The following PTPRD variants were observed in gnomAD, a reference collection of about 807,000 sequenced individuals.
The protein encoded by PTPRD is protein tyrosine phosphatase receptor type D, also known as receptor-type tyrosine-protein phosphatase delta.
In PTPRD, 34 loss-of-function variants were observed where a neutral mutation model predicts 214.5. The observed-to-expected ratio is 0.16, with a 90% CI of 0.12 to 0.21. The LOEUF (loss-of-function observed/expected upper bound fraction) is 0.21. PTPRD is among the 10% of genes least tolerant of loss of function. PTPRD has a pLI of 1.00. For missense variants in PTPRD, 2,545 were observed against 2,398.7 expected (o/e 1.06, Z -1.27); for synonymous variants, 1,128 against 845.7 (o/e 1.33, Z -5.79).
chr9:9,775,073 G>A (rs1404231406), intron 5 of PTPRD, among the ~76,000 whole-genome samples: 2 of 152,178 alleles, frequency 1.3e-5, no homozygotes, highest in African/African-American at 2.4e-5. Context: ...AGCTAAACTT[G>A]AGCACCAGTT....
At chr9:9,544,995 G>C (rs116608977) in intron 8 of PTPRD, among the ~76,000 whole-genome samples, 1,828 of 151,636 alleles carry the variant, frequency 0.012, 41 homozygotes, top group African/African-American at 0.042. Flanking sequence ...ATTTTTTAGA[G>C]GAGTTTTACA....
intron 10 of PTPRD, among the ~76,000 whole-genome samples, chr9:9,150,944 T>A (rs1290773098): frequency 6.6e-6 from 1 of 152,146 alleles, no homozygotes; most frequent in Non-Finnish European, 1.5e-5. Flanking sequence ...AAGCAAAGAT[T>A]TTTGAGATAG....
chr9:8,382,522 G>T (rs60053918), intron 37 of PTPRD, among the ~76,000 whole-genome samples: 3,641 of 152,280 alleles, frequency 0.024, 121 homozygotes, highest in African/African-American at 0.082. Flanking sequence ...TTTCTAAGTA[G>T]AGCAGGTGGG....
At chr9:10,611,636 G>A (rs1433983235) in intron 2 of PTPRD, among the ~76,000 whole-genome samples, 1 of 152,164 alleles carries the variant, frequency 6.6e-6, no homozygotes, top group East Asian at 1.9e-4. Flanking sequence ...TTGATGCAGA[G>A]ATATTCAGCC....
chr9:10,373,975 G>A (rs936551035), intron 2 of PTPRD, among the ~76,000 whole-genome samples: 11 of 152,100 alleles, frequency 7.2e-5, no homozygotes, highest in South Asian at 2.1e-4. Context: ...CCTGGTTGGT[G>A]TTTGGTCAGA....
At chr9:10,508,147 A>T (rs2046684492) in intron 2 of PTPRD, among the ~76,000 whole-genome samples, 1 of 152,242 alleles carries the variant, frequency 6.6e-6, no homozygotes, top group Non-Finnish European at 1.5e-5. Context: ...ATATGAACAG[A>T]CACTTCTCAA....
chr9:10,575,608 C>T (rs1316960478), intron 2 of PTPRD, among the ~76,000 whole-genome samples: 1 of 152,058 alleles, frequency 6.6e-6, no homozygotes, highest in Admixed American at 6.6e-5. Flanking sequence ...GCATGACAGA[C>T]AATTCCATGC....
chr9:9,268,144 G>C (rs73390817), intron 9 of PTPRD, among the ~76,000 whole-genome samples: 1 of 151,026 alleles, frequency 6.6e-6, no homozygotes. Context: ...AAAAAAAGCT[G>C]TTACTAATAA....
At chr9:8,417,843 G>C (rs2094055020) in intron 35 of PTPRD, among the ~76,000 whole-genome samples, 1 of 152,120 alleles carries the variant, frequency 6.6e-6, no homozygotes, top group African/African-American at 2.4e-5. Flanking sequence ...AGCTGAAACA[G>C]TAACTGTAAT....
chr9:8,879,014 C>T (rs1321315011), intron 11 of PTPRD, among the ~76,000 whole-genome samples: 1 of 152,182 alleles, frequency 6.6e-6, no homozygotes, highest in Non-Finnish European at 1.5e-5. Context: ...AACTTTTACT[C>T]TGTTGATACT....
rs79579909 is a variant in PTPRD at position 9,534,679 on chromosome 9, A to G, written c.-237+40053T>C. 1.2e-3 allele frequency among the ~76,000 whole-genome samples: 186 copies of G among 152,204 alleles called. 3 individuals carry two copies. In the East Asian group the frequency reaches 0.034, roughly 28 times the overall value. ...TCACTGAGTAAAGGGAAAAAATGTA[A>G]TATCTATTACTAGCCTAATGCCAGT... is the stretch of plus-strand genomic sequence containing the variant. On this transcript the variant is annotated intron_variant, in intron 8 of 45. Transcript: ENST00000381196.
intron 14 of PTPRD, among the ~76,000 whole-genome samples, chr9:8,557,293 G>T (rs1336585827): frequency 6.6e-6 from 1 of 151,910 alleles, no homozygotes; most frequent in Non-Finnish European, 1.5e-5. Context: ...GCTTGCCTAA[G>T]ACTAGCACAG....
intron 3 of PTPRD, among the ~76,000 whole-genome samples, chr9:10,155,500 G>A (rs1023879245): frequency 6.6e-6 from 1 of 152,164 alleles, no homozygotes; most frequent in Non-Finnish European, 1.5e-5. Flanking sequence ...TAGAAGAGAT[G>A]AGAGAGGGAC....
chr9:8,356,136 C>A (rs1453674052), intron 39 of PTPRD, among the ~76,000 whole-genome samples: 1 of 152,150 alleles, frequency 6.6e-6, no homozygotes, highest in Non-Finnish European at 1.5e-5. Context: ...AAATACTTTA[C>A]TATCTCCAGA....
At chr9:8,562,479 C>T (rs2086790647) in intron 14 of PTPRD, among the ~76,000 whole-genome samples, 1 of 151,886 alleles carries the variant, frequency 6.6e-6, no homozygotes, top group South Asian at 2.1e-4. Flanking sequence ...TTTTGTCATG[C>T]AGGCTGGTGT....
chr9:10,131,927 C>A (rs563427522), intron 3 of PTPRD, among the ~76,000 whole-genome samples: 1 of 152,102 alleles, frequency 6.6e-6, no homozygotes, highest in African/African-American at 2.4e-5. Flanking sequence ...CAATATAGCA[C>A]CTTTAATAAG....
rs182696653 is a variant in PTPRD at position 9,419,968 on chromosome 9, T to C, written c.-236-22486A>G. The stretch of plus-strand genomic sequence containing the variant: ...TTGATCCAGCACCGACGTAAGACTT[T>C]CATATGTAATATCTAAATTTTGATG... On this transcript the variant is annotated intron_variant, in intron 8 of 45. Transcript: ENST00000381196. Among the ~76,000 whole-genome samples, 207 of 151,810 alleles carry C rather than the reference T, an allele frequency of 1.4e-3. 1 individual carries two copies. The highest frequency in any genetic ancestry group is 4.5e-3 in the African/African-American group (188 of 41,518).
rs573304638 is a variant in PTPRD, at chr9:8,842,839, G to A, written c.-103-108893C>T. Among the ~76,000 whole-genome samples the A allele has an allele frequency of 2.0e-5, 3 of 152,258 alleles. No individual in the cohort carries two copies. The South Asian group carries it at 6.2e-4, about 32-fold the overall frequency. On this transcript the variant is annotated intron_variant, in intron 11 of 45. Coordinates refer to ENST00000381196, the MANE Select transcript of PTPRD (RefSeq NM_002839.4). ...GATGCCAAGGGGAGACTTTGACGGT[G>A]TTTCACATCCCCAGGATACCCTTCA...
chr9:8,438,148 C>T (rs1236191079), intron 34 of PTPRD, among the ~76,000 whole-genome samples: 3 of 152,152 alleles, frequency 2.0e-5, no homozygotes, highest in Non-Finnish European at 2.9e-5. Flanking sequence ...GCCATTGAGT[C>T]AACATGACAT....
Sources: allele counts gnomAD v4.1 joint callset (sites outside exome capture counted in the v4.1 genomes callset), GRCh38; gene constraint gnomAD v4.1.1; transcripts MANE v1.5; gene names NCBI Gene and HGNC (gene_info 2026-07-23, HGNC 2026-07-21).